Variants in PDLIM2 observed in about 807,000 individuals in gnomAD.
PDLIM2 encodes PDZ and LIM domain protein 2.
A neutral mutation model predicts 54.1 loss-of-function variants in PDLIM2; 51 were observed. That is an observed-to-expected ratio of 0.94 (90% CI 0.75 to 1.19). The LOEUF (loss-of-function observed/expected upper bound fraction) is 1.19, where lower values mean the gene tolerates loss of function less well. Among genes scored for constraint, PDLIM2 ranks in the 50% most tolerant of loss-of-function variants. The pLI is 0.00. For synonymous variants in PDLIM2, 398 were observed against 385.6 expected (o/e 1.03, Z -0.38); for missense variants, 912 against 874.0 (o/e 1.04, Z -0.55).
At chr8:22,580,949 C>T in intron 2 of PDLIM2, 1 of 678,150 alleles carries the variant, frequency 1.5e-6, no homozygotes, top group Non-Finnish European at 2.8e-6. Flanking sequence ...AGTTGCTATC[C>T]CCACACTTGC....
intron 6 of PDLIM2, among the ~76,000 whole-genome samples, chr8:22,586,339 T>A (rs1800382357): frequency 6.6e-6 from 1 of 152,176 alleles, no homozygotes; most frequent in Admixed American, 6.5e-5. Flanking sequence ...GGTCCCCTTG[T>A]TAAGGAATTG....
chr8:22,580,038 C>T (rs528323674), intron 1 of PDLIM2: 13 of 169,486 alleles, frequency 7.7e-5, no homozygotes, highest in Admixed American at 1.1e-4. Flanking sequence ...TGTGAAGACT[C>T]GGCCTCACCC....
intron 2 of PDLIM2, 161 bp from the exon 2 acceptor site, chr8:22,581,218 G>T: frequency 3.3e-6 from 3 of 900,508 alleles, no homozygotes; most frequent in East Asian, 2.6e-5. Flanking sequence ...TCCTGGAGGG[G>T]ATGGCTGATC....
At chr8:22,586,281 C>T (rs751108383) in intron 6 of PDLIM2, among the ~76,000 whole-genome samples, 6 of 152,194 alleles carry the variant, frequency 3.9e-5, no homozygotes, top group Non-Finnish European at 5.9e-5. Context: ...CGCTGCGTGC[C>T]CACCCAGAGG....
chr8:22,578,857 G>A (rs552998142), exon 1 of PDLIM2: 6 of 1,234,584 alleles, frequency 4.9e-6, no homozygotes, highest in Admixed American at 8.4e-5. Flanking sequence ...AGTGGGGCGC[G>A]GGGCAGTCCC....
chr8:22,583,814 C>T (rs936428274), intron 3 of PDLIM2, among the ~76,000 whole-genome samples: 42 of 124,838 alleles, frequency 3.4e-4, no homozygotes, highest in African/African-American at 1.2e-3. Flanking sequence ...TCTACAAACC[C>T]GAGGCTGAGT....
chr8:22,578,919 G>A, exon 1 of PDLIM2: 3 of 1,238,306 alleles, frequency 2.4e-6, no homozygotes, highest in Non-Finnish European at 3.0e-6. Context: ...GGCGCTCCGG[G>A]GAGGATGCGG....
chr8:22,584,313 C>T (rs950326928), intron 3 of PDLIM2, among the ~76,000 whole-genome samples: 1 of 151,926 alleles, frequency 6.6e-6, no homozygotes, highest in Non-Finnish European at 1.5e-5. Flanking sequence ...CGTGCCCGGC[C>T]TTGGTGTTTT....
At chr8:22,581,929 G>A (rs4872512) in intron 3 of PDLIM2, among the ~76,000 whole-genome samples, 39,938 of 152,246 alleles carry the variant, frequency 0.26, 5,597 homozygotes, top group Admixed American at 0.36. Context: ...GCTTCCAACA[G>A]GGCATGGCCT....
intron 6 of PDLIM2, chr8:22,585,601 C>T (rs1398739356): frequency 3.4e-6 from 2 of 583,208 alleles, no homozygotes; most frequent in African/African-American, 1.9e-5. Context: ...CCAAGACCTG[C>T]CCAGCAGTGC....
chr8:22,594,708 T>C (rs750536470), downstream of PDLIM2: 48 of 1,560,900 alleles, frequency 3.1e-5, no homozygotes, highest in Non-Finnish European at 4.1e-5. Flanking sequence ...CGGGGCCAGG[T>C]TGATCTACCG....
At chr8:22,587,518 C>G (rs1800413521) in intron 6 of PDLIM2, among the ~76,000 whole-genome samples, 1 of 152,114 alleles carries the variant, frequency 6.6e-6, no homozygotes, top group African/African-American at 2.4e-5. Flanking sequence ...CTGCCCTGCC[C>G]CACCCCCAGG....
chr8:22,589,896 T>C, intron 8 of PDLIM2, 155 bp downstream of exon 7: 1 of 1,093,666 alleles, frequency 9.1e-7, no homozygotes, highest in South Asian at 1.6e-5. Flanking sequence ...CCCCAGCCCC[T>C]GCCCATAAGG....
chr8:22,584,978 G>T (rs1175586421), intron 4 of PDLIM2, 39 bp from the exon 4 acceptor site: 1 of 1,613,282 alleles, frequency 6.2e-7, no homozygotes, highest in South Asian at 1.1e-5. Context: ...CCTTGGCGGG[G>T]CAGCCCTGCC....
chr8:22,579,231 G>T, exon 1 of PDLIM2: 1 of 1,360,916 alleles, frequency 7.3e-7, no homozygotes. Context: ...CCAGGTGAGC[G>T]CGCCCACCTG....
intron 9 of PDLIM2, 80 bp from the exon 9 acceptor site, chr8:22,593,653 G>C (rs1173434237): frequency 1.5e-6 from 2 of 1,314,268 alleles, no homozygotes; most frequent in Admixed American, 4.4e-5. Context: ...TGATGCTACA[G>C]TGGGGACCAG....
intron 7 of PDLIM2, 73 bp from the exon 7 acceptor site, chr8:22,589,523 C>T (rs377751925): frequency 2.5e-5 from 34 of 1,385,710 alleles, no homozygotes; most frequent in East Asian, 2.0e-4. Flanking sequence ...ACGCTCTTCT[C>T]CTGCCCCCCA....
chr8:22,579,553 A>G, intron 1 of PDLIM2: 1 of 1,442,626 alleles, frequency 6.9e-7, no homozygotes, highest in Non-Finnish European at 9.1e-7. Context: ...GGCGGCCGCG[A>G]GCCGGCCTCG....
intron 6 of PDLIM2, chr8:22,588,705 G>GCTCCACGGGGCAGGCCCAGAC (rs1381847486): frequency 4.6e-4 from 71 of 153,672 alleles, no homozygotes; most frequent in Non-Finnish European, 6.2e-4. Context: ...GCTCCCCAAA[G>GCTCCACGGGGCAGGCCCAGAC]CTCCACGGGG....
Sources: allele counts gnomAD v4.1 joint callset (sites outside exome capture counted in the v4.1 genomes callset), GRCh38; gene constraint gnomAD v4.1.1; transcripts MANE v1.5; gene names NCBI Gene and HGNC (gene_info 2026-07-23, HGNC 2026-07-21).